The following KCNMA1 variants were observed in gnomAD, a reference collection of about 807,000 sequenced individuals.
The protein encoded by KCNMA1 is potassium calcium-activated channel subfamily M alpha 1, also known as Calcium-activated potassium channel subunit alpha-1.
A neutral mutation model predicts 140.0 loss-of-function variants in KCNMA1; 29 were observed. The ratio of observed to expected loss-of-function variants is 0.21; its 90% confidence interval spans 0.15 to 0.28. KCNMA1 has a LOEUF of 0.28. Ranked by LOEUF, KCNMA1 falls within the 10% of genes least tolerant of loss-of-function variation. The probability of loss-of-function intolerance (pLI) is 1.00; values close to 1 mark genes in which losing one functional copy is unlikely to be tolerated. For missense variants in KCNMA1, 880 were observed against 1,602.2 expected, an observed-to-expected ratio of 0.55 and a Z score of 7.70; for synonymous variants, 612 against 611.9, an observed-to-expected ratio of 1.00 and a Z score of 0.00.
At chr10:77,632,530 C>T (rs2619618) in intron 1 of KCNMA1, among the ~76,000 whole-genome samples, 35,076 of 152,018 alleles carry the variant, frequency 0.23, 4,470 homozygotes, top group African/African-American at 0.31. Flanking sequence ...CTGTAACCAT[C>T]CTGCCAGGAC....
At chr10:77,399,391 T>A (rs1025193802) in intron 2 of KCNMA1, among the ~76,000 whole-genome samples, 5 of 152,086 alleles carry the variant, frequency 3.3e-5, no homozygotes, top group African/African-American at 9.7e-5. Flanking sequence ...TCAATTTTTT[T>A]AAAAAAAGCA....
intron 15 of KCNMA1, among the ~76,000 whole-genome samples, chr10:77,034,101 G>A (rs1051586968): frequency 6.6e-5 from 10 of 151,958 alleles, no homozygotes; most frequent in Admixed American, 3.9e-4. Context: ...AAAATTAACC[G>A]GTTGTGGTGG....
At chr10:77,094,765 A>G (rs1458554244) in intron 9 of KCNMA1, among the ~76,000 whole-genome samples, 1 of 152,074 alleles carries the variant, frequency 6.6e-6, no homozygotes, top group Non-Finnish European at 1.5e-5. Flanking sequence ...CAGTGGCTCA[A>G]TCAGAGGTAA....
intron 3 of KCNMA1, among the ~76,000 whole-genome samples, chr10:77,215,389 G>GTTTTGT (rs371178117): frequency 7.2e-6 from 1 of 139,810 alleles, no homozygotes. Flanking sequence ...GTTTTGTTTT[G>GTTTTGT]TCTGTCTTTT....
chr10:77,604,869 C>T (rs2083867379), intron 1 of KCNMA1, among the ~76,000 whole-genome samples: 1 of 152,210 alleles, frequency 6.6e-6, no homozygotes, highest in African/African-American at 2.4e-5. Flanking sequence ...AGGTCCTGGC[C>T]TCCCTGCCTC....
At chr10:77,205,251 C>T (rs2043711298) in intron 3 of KCNMA1, among the ~76,000 whole-genome samples, 2 of 152,248 alleles carry the variant, frequency 1.3e-5, no homozygotes, top group East Asian at 3.9e-4. Flanking sequence ...TTTTTGTGCT[C>T]TAGCTCAGGA....
chr10:77,418,944 C>T (rs1270065553), intron 1 of KCNMA1, among the ~76,000 whole-genome samples: 1 of 152,200 alleles, frequency 6.6e-6, no homozygotes, highest in Non-Finnish European at 1.5e-5. Context: ...TCTACAAATA[C>T]AGATTTTAAC....
chr10:77,314,930 ACACACACACAC>A (rs1358666879), intron 2 of KCNMA1, among the ~76,000 whole-genome samples: 1 of 22,404 alleles, frequency 4.5e-5, no homozygotes, highest in African/African-American at 2.3e-4. Flanking sequence ...CCCAACACAC[ACACACACACAC>A]ACACACACAC....
intron 23 of KCNMA1, among the ~76,000 whole-genome samples, chr10:76,920,012 G>GTATA (rs1168798450): frequency 5.2e-4 from 27 of 51,512 alleles, no homozygotes; most frequent in Admixed American, 2.9e-3. Context: ...GTGTGTGTGT[G>GTATA]TGTGTGTGTA....
intron 2 of KCNMA1, among the ~76,000 whole-genome samples, chr10:77,351,804 T>C (rs1463945883): frequency 6.6e-6 from 1 of 152,184 alleles, no homozygotes; most frequent in Admixed American, 6.5e-5. Context: ...CCATTGATAT[T>C]TAACAACAAA....
At chr10:76,978,155 T>C (rs1387196691) in intron 19 of KCNMA1, among the ~76,000 whole-genome samples, 1 of 152,214 alleles carries the variant, frequency 6.6e-6, no homozygotes, top group Non-Finnish European at 1.5e-5. Flanking sequence ...GCAGTTTCAC[T>C]GTGAATCCAG....
intron 3 of KCNMA1, among the ~76,000 whole-genome samples, chr10:77,202,080 A>G (rs1456459794): frequency 1.3e-5 from 2 of 152,262 alleles, no homozygotes; most frequent in Non-Finnish European, 2.9e-5. Flanking sequence ...TACTGTAGCC[A>G]GACATCAGGC....
At chr10:77,317,759 C>T (rs2081267574) in intron 2 of KCNMA1, among the ~76,000 whole-genome samples, 1 of 152,234 alleles carries the variant, frequency 6.6e-6, no homozygotes, top group South Asian at 2.1e-4. Context: ...GGCAAAATTT[C>T]CTCATCAGGG....
chr10:77,630,488 C>T (rs2619619), intron 1 of KCNMA1, among the ~76,000 whole-genome samples: 35,458 of 152,020 alleles, frequency 0.23, 4,442 homozygotes, highest in African/African-American at 0.29. Context: ...CATCAGTTTT[C>T]GCAAATAAGA....
chr10:77,492,456 G>C (rs1290023595), intron 1 of KCNMA1, among the ~76,000 whole-genome samples: 1 of 152,184 alleles, frequency 6.6e-6, no homozygotes, highest in Non-Finnish European at 1.5e-5. Flanking sequence ...CATTTACTCT[G>C]TACTGAGGAT....
intron 2 of KCNMA1, among the ~76,000 whole-genome samples, chr10:77,399,054 C>T (rs1485937627): frequency 9.9e-5 from 15 of 152,080 alleles, no homozygotes; most frequent in Non-Finnish European, 1.9e-4. Context: ...AGACACAGAG[C>T]GCAAACCTGA....
At chr10:76,971,282 TGTTAATG>T (rs1490709749) in intron 19 of KCNMA1, among the ~76,000 whole-genome samples, 1 of 152,164 alleles carries the variant, frequency 6.6e-6, no homozygotes, top group Non-Finnish European at 1.5e-5. Context: ...ACTTGATATA[TGTTAATG>T]GTGTAGGAGT....
chr10:77,271,618 T>G (rs1273218413), intron 2 of KCNMA1, among the ~76,000 whole-genome samples: 24 of 152,238 alleles, frequency 1.6e-4, no homozygotes, highest in Admixed American at 1.6e-3. Flanking sequence ...GCCTGGCACA[T>G]AGCAAGCTCT....
Position 77,108,417 on chromosome 10 carries a change from A to G in KCNMA1, c.1223+64T>C. ...CAAAGAAACAAGAGCCAAAAAAAAA[A>G]AAAAATGGCATGCAGAGAGGATTCT... On this transcript the variant is annotated intron_variant, in intron 9 of 27. Coordinates refer to ENST00000286628, the MANE Select transcript of KCNMA1 (RefSeq NM_001161352.2). This position sits in a 1 kb window ranked among gnomAD's most constrained non-coding sequence, Gnocchi z 4.6. The G allele has an allele frequency of 1.9e-6, 3 of 1,597,924 alleles. No homozygotes were observed. Among genetic ancestry groups the G allele is most frequent in the Non-Finnish European group, 2.6e-6 (3 of 1,174,368 alleles).
Sources: gnomAD v4.1 joint callset for allele counts (sites outside exome capture counted in the v4.1 genomes callset) on GRCh38, gnomAD v4.1.1 for gene constraint, Gnocchi (gnomAD v3.1) non-coding constraint, MANE v1.5 for transcripts, NCBI Gene and HGNC (gene_info 2026-07-23, HGNC 2026-07-21) for gene names.